CDH8: variants seen among roughly 807,000 people sequenced by gnomAD.
The protein encoded by CDH8 is cadherin-8.
Under a neutral mutation model 68.1 loss-of-function variants are expected in CDH8, and 17 were observed. The observed-to-expected ratio is 0.25, with a 90% CI of 0.17 to 0.37. CDH8 has a LOEUF of 0.37. CDH8 is among the 10% of genes least tolerant of loss of function. The pLI, the probability that CDH8 is intolerant of heterozygous loss-of-function variation, is 1.00. For missense variants in CDH8, 763 were observed against 999.3 expected (o/e 0.76, Z 3.19); for synonymous variants, 372 against 365.1 (o/e 1.02, Z -0.21).
At chr16:61,761,648 C>T (rs1275110569) in intron 8 of CDH8, among the ~76,000 whole-genome samples, 1 of 152,152 alleles carries the variant, frequency 6.6e-6, no homozygotes, top group Non-Finnish European at 1.5e-5. Context: ...CACTAGCAAG[C>T]TTTAACAGCA....
At chr16:61,826,420 C>T (rs961089126) in intron 4 of CDH8, among the ~76,000 whole-genome samples, 10 of 151,674 alleles carry the variant, frequency 6.6e-5, no homozygotes, top group African/African-American at 2.4e-5. Context: ...TCATAAGATG[C>T]CCCTTCCCCA....
At chr16:61,742,022 G>A (rs1567449258) in intron 8 of CDH8, among the ~76,000 whole-genome samples, 1 of 151,948 alleles carries the variant, frequency 6.6e-6, no homozygotes, top group South Asian at 2.1e-4. Flanking sequence ...TTTATCTTTT[G>A]TGTGTTTAAT....
chr16:62,029,861 T>C (rs1001480903), intron 1 of CDH8, among the ~76,000 whole-genome samples: 2 of 152,246 alleles, frequency 1.3e-5, no homozygotes, highest in Non-Finnish European at 2.9e-5. Flanking sequence ...ACTTTTTCTA[T>C]TTATTTCAAG....
intron 10 of CDH8, chr16:61,692,380 C>A (rs1315324287): frequency 6.6e-6 from 1 of 152,058 alleles, no homozygotes; most frequent in Admixed American, 6.6e-5. Flanking sequence ...ATAAAAATGT[C>A]TATTATATTG....
Position 61,885,711 on chromosome 16 carries a change from C to CA in CDH8, c.547+15467dup, listed in dbSNP as rs5817322. 1.6e-3 allele frequency among the ~76,000 whole-genome samples: 190 copies of CA among 116,352 alleles called. 1 individual carries two copies. The highest frequency in any genetic ancestry group is 9.1e-3 in the Middle Eastern group (2 of 220). The allele number at this position is 116,352 out of a possible 152,430, so 76.3% of individuals were successfully genotyped here. On this transcript the variant is annotated intron_variant, in intron 3 of 11. Transcript: ENST00000577390. ...TAATAATTACACAGGAATAGCAATC[C>CA]AAAAAAAAAAAAAAAAGGAATCTTA...
intron 4 of CDH8, 73 bp from the exon 5 acceptor site, chr16:61,825,252 T>G (rs1026675096): frequency 8.6e-7 from 1 of 1,166,862 alleles, no homozygotes; most frequent in South Asian, 1.4e-5. Context: ...ATCTCACACA[T>G]GCACACATAC....
In CDH8 at chr16:61,732,243, C is replaced by T. The variant is rs1959558272; in HGVS notation, c.1415-5028G>A. Among the ~76,000 whole-genome samples the T allele has an allele frequency of 2.0e-5, 3 of 151,708 alleles. No individual in the cohort carries two copies. The South Asian group carries it at 6.2e-4, about 31-fold the overall frequency. On this transcript the variant is annotated intron_variant, in intron 8 of 11. Transcript: ENST00000577390. Reference sequence around the variant, plus strand: ...CCCAAATTTATTGAGAAACACTAGCCTGTATATCCTAAAACTTCCCCAACA... The same window carrying T: ...CCCAAATTTATTGAGAAACACTAGCTTGTATATCCTAAAACTTCCCCAACA...
intron 2 of CDH8, among the ~76,000 whole-genome samples, chr16:61,984,831 T>C (rs1428006270): frequency 6.6e-6 from 1 of 152,178 alleles, no homozygotes; most frequent in African/African-American, 2.4e-5. Flanking sequence ...AGGCATGAAC[T>C]TGATTTTTTG....
intron 4 of CDH8, among the ~76,000 whole-genome samples, chr16:61,829,485 C>A (rs1962410990): frequency 6.6e-6 from 1 of 151,838 alleles, no homozygotes; most frequent in South Asian, 2.1e-4. Context: ...CCTACACAGA[C>A]ATCTATAGTT....
At chr16:61,826,686 A>G (rs1197491355) in intron 4 of CDH8, among the ~76,000 whole-genome samples, 4 of 151,764 alleles carry the variant, frequency 2.6e-5, no homozygotes, top group Admixed American at 1.3e-4. Flanking sequence ...TCTGTCTGTA[A>G]AAGCACTGCA....
rs1254968240 is a variant in CDH8 at position 61,960,383 on chromosome 16, G to A, written c.253-58910C>T. Among the ~76,000 whole-genome samples the A allele has an allele frequency of 3.0e-5, 4 of 132,792 alleles. 1 individual carries two copies. The East Asian group carries it at 9.0e-4, about 30-fold the overall frequency. The allele number at this position is 132,792 out of a possible 152,430, so 87.1% of individuals were successfully genotyped here. A position where few individuals can be genotyped will look rare whatever the true frequency, so the allele number is the denominator to read the frequency against. On this transcript the variant is annotated intron_variant, in intron 2 of 11. Transcript: ENST00000577390. ...TATACACATACATATATACATGTGT[G>A]TGTGTATACACATACATATATACAT... is the stretch of plus-strand genomic sequence containing the variant.
chr16:61,665,809 C>T (rs9925447), intron 10 of CDH8, among the ~76,000 whole-genome samples: 2 of 78,632 alleles, frequency 2.5e-5, no homozygotes, highest in Non-Finnish European at 5.4e-5. Flanking sequence ...CCTTCCTTTC[C>T]CTCCTTCCTT....
chr16:62,021,107 A>G, intron 2 of CDH8, 45 bp downstream of exon 2: 1 of 1,539,356 alleles, frequency 6.5e-7, no homozygotes, highest in Non-Finnish European at 9.0e-7. Flanking sequence ...ACATCTTAAG[A>G]CCACTAACAG....
chr16:61,764,687 C>A (rs929148748), intron 8 of CDH8, among the ~76,000 whole-genome samples: 1 of 152,008 alleles, frequency 6.6e-6, no homozygotes, highest in Non-Finnish European at 1.5e-5. Flanking sequence ...CAAATTAGTT[C>A]TCAGTTTTCC....
intron 2 of CDH8, among the ~76,000 whole-genome samples, chr16:61,941,051 G>A (rs1395174227): frequency 1.3e-5 from 2 of 152,212 alleles, no homozygotes; most frequent in African/African-American, 4.8e-5. Context: ...ACTCAATCAA[G>A]TTGAACTTGA....
chr16:62,030,250 G>A (rs142520242), intron 1 of CDH8, among the ~76,000 whole-genome samples: 12 of 152,266 alleles, frequency 7.9e-5, no homozygotes, highest in Admixed American at 1.3e-4. Context: ...GAAAATTAAG[G>A]GAGTTGCTTA....
At chr16:61,869,131 TC>T (rs1963310186) in intron 3 of CDH8, among the ~76,000 whole-genome samples, 1 of 152,166 alleles carries the variant, frequency 6.6e-6, no homozygotes, top group Non-Finnish European at 1.5e-5. Flanking sequence ...TATCCTTCTT[TC>T]TCTGTATTCT....
At chr16:61,775,347 T>C (rs1250288231) in intron 8 of CDH8, among the ~76,000 whole-genome samples, 1 of 152,036 alleles carries the variant, frequency 6.6e-6, no homozygotes, top group East Asian at 1.9e-4. Context: ...GAGAAGAACA[T>C]TCTGGAAAGA....
intron 2 of CDH8, among the ~76,000 whole-genome samples, chr16:61,998,968 C>G (rs1965850567): frequency 6.6e-6 from 1 of 152,106 alleles, no homozygotes; most frequent in Non-Finnish European, 1.5e-5. Flanking sequence ...AACTAAGATA[C>G]TGGGCATGAC....
Sources: gnomAD v4.1 joint callset for allele counts (sites outside exome capture counted in the v4.1 genomes callset) on GRCh38, gnomAD v4.1.1 for gene constraint, MANE v1.5 for transcripts, NCBI Gene and HGNC (gene_info 2026-07-23, HGNC 2026-07-21) for gene names.